MXD3: variants seen among roughly 807,000 people sequenced by gnomAD.
MXD3 encodes MAX dimerization protein 3.
MXD3 carries 20 observed loss-of-function variants against 27.5 expected under a neutral mutation model. The ratio of observed to expected loss-of-function variants is 0.73; its 90% CI spans 0.51 to 1.06. The LOEUF (loss-of-function observed/expected upper bound fraction) is 1.06, where lower values mean the gene tolerates loss of function less well. Ranked by LOEUF, MXD3 falls within the 50% of genes least tolerant of loss-of-function variation. The pLI is 0.00. For missense variants in MXD3, 298 were observed against 291.3 expected, an observed-to-expected ratio of 1.02 and a Z score of -0.17; for synonymous variants, 150 against 130.7, an observed-to-expected ratio of 1.15 and a Z score of -1.01.
upstream of MXD3, chr5:177,312,679 T>C (rs1486046949): frequency 2.0e-6 from 2 of 985,300 alleles, no homozygotes; most frequent in African/African-American, 1.7e-5. Flanking sequence ...GAGGAAGCTG[T>C]TGTTGCTACG....
intron 5 of MXD3, 31 bp downstream of exon 5, chr5:177,307,750 C>A (rs376711861): frequency 6.2e-7 from 1 of 1,613,082 alleles, no homozygotes; most frequent in Admixed American, 1.7e-5. Flanking sequence ...GCCCCGAGGG[C>A]CACACAACCC....
At chr5:177,311,910 GAC>G (rs1761049529), upstream of MXD3, 1 of 1,523,078 alleles carries the variant, frequency 6.6e-7, no homozygotes, top group Admixed American at 2.2e-5. Flanking sequence ...CAAAGTAACT[GAC>G]ACGGTGCAAC....
In MXD3 at chr5:177,311,388, T is replaced by A; in HGVS notation, c.167A>T (p.Asp56Val). 7.0e-7 allele frequency: 1 copy of A among 1,438,834 alleles called. No homozygotes were observed. The highest frequency in any genetic ancestry group is 9.1e-7 in the Non-Finnish European group (1 of 1,103,544). 89.1% of individuals were successfully genotyped at this position (1,438,834 alleles called of 1,614,324 possible). The change falls in exon 2 of 6, where the codon GAC becomes GTC. Residue 56 changes from aspartate (D) to valine (V), a missense_variant. Asp to Val is a radical substitution (Grantham distance 152). Coordinates refer to ENST00000439742, the MANE Select transcript of MXD3 (RefSeq NM_031300.4). Reference protein sequence around the residue: ...KRPPQAPGAQDSGRSVHNELE... With the variant: ...KRPPQAPGAQVSGRSVHNELE... ...CCCCCGGCCTCCTCACCGCCCGCTG[T>A]CCTGCGCGCCAGGAGCCTGGGGGGG...
downstream of MXD3, chr5:177,305,960 A>G: frequency 1.2e-6 from 2 of 1,614,110 alleles, no homozygotes; most frequent in Non-Finnish European, 1.7e-6. Flanking sequence ...CCTCTAGCTT[A>G]TTTGGTGTCT....
Position 177,310,650 on chromosome 5 carries a change from G to A in MXD3, c.206+18C>T. 4 of 1,614,212 alleles carry A rather than the reference G, an allele frequency of 2.5e-6. No homozygotes were observed. Among genetic ancestry groups the A allele is most frequent in the Non-Finnish European group, 3.4e-6 (4 of 1,180,018 alleles). On this transcript the variant is annotated intron_variant, in intron 3 of 5. Coordinates refer to ENST00000439742, the MANE Select transcript of MXD3 (RefSeq NM_031300.4). ...GGCCCCTGGGGGCTGGCGCTGTCAG[G>A]GCAGGACTGGGACTCACCTGCGCTT...
upstream of MXD3, chr5:177,312,609 G>A: frequency 1.0e-6 from 1 of 985,460 alleles, no homozygotes; most frequent in Non-Finnish European, 1.2e-6. Context: ...AGGCCCCCGT[G>A]GGCCCCAGCT....
intron 4 of MXD3, among the ~76,000 whole-genome samples, chr5:177,309,489 G>A (rs1760981409): frequency 6.6e-6 from 1 of 152,178 alleles, no homozygotes; most frequent in Non-Finnish European, 1.5e-5. Context: ...GAGAAACTGG[G>A]CCACTACCCA....
chr5:177,307,995 G>T (rs750070376), intron 4 of MXD3, 31 bp from the exon 5 acceptor site: 2 of 1,487,140 alleles, frequency 1.3e-6, no homozygotes, highest in East Asian at 2.4e-5. Context: ...AGGGGCTGGG[G>T]TCAGCGGCGT....
upstream of MXD3, chr5:177,312,294 G>A: frequency 2.3e-5 from 23 of 986,692 alleles, no homozygotes; most frequent in South Asian, 4.6e-5. Flanking sequence ...TGCCGCGGGG[G>A]CGGGGCCTCC....
chr5:177,311,403 G>GC lies in MXD3; in HGVS notation c.151dup (p.Ala51GlyfsTer14). Reference sequence around the variant, plus strand: ...CCGCCCGCTGTCCTGCGCGCCAGGAGCCTGGGGGGGTCGCTTCTTCCTCCT... The same window carrying GC: ...CCGCCCGCTGTCCTGCGCGCCAGGAGCCCTGGGGGGGTCGCTTCTTCCTCCT... On this transcript the variant is annotated frameshift_variant, in exon 2 of 6. Coordinates refer to ENST00000439742, the MANE Select transcript of MXD3 (RefSeq NM_031300.4). LOFTEE classifies it high-confidence loss of function. The GC allele has an allele frequency of 6.9e-7, 1 of 1,441,904 alleles. No homozygotes were observed. The highest frequency in any genetic ancestry group is 9.1e-7 in the Non-Finnish European group (1 of 1,104,692). 89.3% of individuals were successfully genotyped at this position (1,441,904 alleles called of 1,614,324 possible). A position where few individuals can be genotyped will look rare whatever the true frequency, so the allele number is the denominator to read the frequency against.
chr5:177,307,325 A>G lies in MXD3; in HGVS notation c.*263T>C, dbSNP rs1478840610. On this transcript the variant is annotated 3_prime_UTR_variant, in exon 6 of 6. Transcript: ENST00000439742. ...CTTCCTGTCCCCTTGGGGGCAGCAG[A>G]GCCAAATGCTTGGGCTCGGGCCCAA... The G allele has an allele frequency of 6.5e-7, 1 of 1,544,478 alleles. No homozygotes were observed. The highest frequency in any genetic ancestry group is 8.8e-7 in the Non-Finnish European group (1 of 1,142,060).
upstream of MXD3, chr5:177,312,730 C>G (rs1055846512): frequency 2.0e-6 from 2 of 985,532 alleles, no homozygotes; most frequent in Non-Finnish European, 2.4e-6. Flanking sequence ...GCAGGCCATA[C>G]CCTGGAGGCA....
intron 2 of MXD3, 126 bp from the exon 3 acceptor site, chr5:177,310,823 C>A: frequency 9.1e-7 from 1 of 1,100,148 alleles, no homozygotes; most frequent in South Asian, 1.4e-5. Flanking sequence ...GTGGAGAGCT[C>A]ATGCTGGCCT....
downstream of MXD3, chr5:177,306,335 C>T (rs1204781216): frequency 1.3e-6 from 2 of 1,596,804 alleles, no homozygotes; most frequent in Non-Finnish European, 1.7e-6. Flanking sequence ...TGGAGCCTGG[C>T]CCAGAGGAGA....
chr5:177,311,201 G>A lies in MXD3; in HGVS notation c.176+178C>T, dbSNP rs946085750. 32 of 520,540 alleles carry A rather than the reference G, an allele frequency of 6.1e-5. No homozygotes were observed. The South Asian group carries it at 8.2e-4, about 13-fold the overall frequency. The allele number at this position is 520,540 out of a possible 1,614,324, so 32.2% of individuals were successfully genotyped here. On this transcript the variant is annotated intron_variant, in intron 2 of 5. Coordinates refer to ENST00000439742, the MANE Select transcript of MXD3 (RefSeq NM_031300.4). The stretch of plus-strand genomic sequence containing the variant: ...TAGAGGTGCTCAAGAAATAGTCCTT[G>A]AATGAATAGAAAGGTGTGAGTGTGT...
chr5:177,305,754 G>A (rs4076327), downstream of MXD3: 21 of 832,344 alleles, frequency 2.5e-5, no homozygotes, highest in Non-Finnish European at 3.7e-5. Flanking sequence ...GCAGTCAGGG[G>A]AAGGAATGGA....
upstream of MXD3, chr5:177,312,371 G>C (rs1039875842): frequency 9.1e-6 from 9 of 985,676 alleles, no homozygotes; most frequent in South Asian, 3.2e-4. Flanking sequence ...GGGCGGGGTC[G>C]GGGAGCCTCT....
downstream of MXD3, chr5:177,307,153 G>A (rs1760899419): frequency 6.5e-7 from 1 of 1,543,258 alleles, no homozygotes; most frequent in Non-Finnish European, 8.7e-7. Context: ...TCCTCTTCCA[G>A]TGGGTCTGTG....
chr5:177,312,009 AG>A (rs2127304341), upstream of MXD3: 3 of 1,275,980 alleles, frequency 2.4e-6, no homozygotes, highest in East Asian at 1.2e-4. Flanking sequence ...CCCGCCACGG[AG>A]CCGCAGCCCA....
Sources: allele counts gnomAD v4.1 joint callset (sites outside exome capture counted in the v4.1 genomes callset), GRCh38; gene constraint gnomAD v4.1.1; transcripts MANE v1.5; gene names NCBI Gene and HGNC (gene_info 2026-07-23, HGNC 2026-07-21).